The following SLCO5A1 variants were observed in gnomAD, a reference collection of about 807,000 sequenced individuals.
SLCO5A1 encodes organic anion transporter polypeptide-related protein 4.
SLCO5A1 carries 39 observed loss-of-function variants against 65.1 expected under a neutral mutation model. That is an observed-to-expected ratio of 0.60 (90% CI 0.46 to 0.78). The LOEUF is 0.78. Ranked by LOEUF, SLCO5A1 falls within the 30% of genes least tolerant of loss-of-function variation. The probability of loss-of-function intolerance (pLI) is 0.00; values close to 1 mark genes in which losing one functional copy is unlikely to be tolerated. For synonymous variants in SLCO5A1, 438 were observed against 415.7 expected (o/e 1.05, Z -0.65); for missense variants, 1,029 against 1,069.4 (o/e 0.96, Z 0.53).
intron 2 of SLCO5A1, among the ~76,000 whole-genome samples, chr8:69,803,544 A>C (rs984151493): frequency 3.6e-4 from 55 of 152,276 alleles, no homozygotes; most frequent in African/African-American, 1.3e-3. Context: ...AAAAACAAAA[A>C]AACACGGAGC....
At chr8:69,726,369 G>A (rs763366505) in intron 5 of SLCO5A1, among the ~76,000 whole-genome samples, 13 of 152,024 alleles carry the variant, frequency 8.6e-5, no homozygotes, top group African/African-American at 1.7e-4. Flanking sequence ...GCTGATACAC[G>A]TTTAAAGCAA....
chr8:69,766,934 A>G (rs1818086202), intron 2 of SLCO5A1, among the ~76,000 whole-genome samples: 2 of 152,234 alleles, frequency 1.3e-5, no homozygotes, highest in Admixed American at 6.5e-5. Context: ...CTCTACTGTC[A>G]TGAACAACAG....
intron 8 of SLCO5A1, 28 bp downstream of exon 8, chr8:69,679,350 C>A (rs773521074): frequency 6.2e-7 from 1 of 1,613,470 alleles, no homozygotes; most frequent in Non-Finnish European, 8.5e-7. Context: ...GTACAGAACC[C>A]ACCCCAGAAG....
intron 5 of SLCO5A1, among the ~76,000 whole-genome samples, chr8:69,708,966 A>G (rs1815097705): frequency 6.6e-6 from 1 of 152,192 alleles, no homozygotes; most frequent in Non-Finnish European, 1.5e-5. Context: ...AATAGACAAC[A>G]GTATCAAGTG....
chr8:69,801,696 G>T (rs1819744146), intron 2 of SLCO5A1, among the ~76,000 whole-genome samples: 2 of 152,108 alleles, frequency 1.3e-5, no homozygotes, highest in South Asian at 4.1e-4. Flanking sequence ...GTATTTATGT[G>T]CATCTCCCAG....
intron 2 of SLCO5A1, among the ~76,000 whole-genome samples, chr8:69,763,869 A>G (rs1177298065): frequency 6.6e-6 from 1 of 151,940 alleles, no homozygotes; most frequent in Non-Finnish European, 1.5e-5. Flanking sequence ...GGACAAATCA[A>G]TAAACACTTT....
intron 2 of SLCO5A1, among the ~76,000 whole-genome samples, chr8:69,823,796 T>C (rs1820753229): frequency 6.6e-6 from 1 of 152,030 alleles, no homozygotes; most frequent in African/African-American, 2.4e-5. Flanking sequence ...TCTGCAGAAC[T>C]CTCCACCCCA....
chr8:69,792,241 C>T (rs1269850931), intron 2 of SLCO5A1, among the ~76,000 whole-genome samples: 1 of 151,312 alleles, frequency 6.6e-6, no homozygotes, highest in Non-Finnish European at 1.5e-5. Context: ...AGTGCTATCG[C>T]AATTCACAAA....
In SLCO5A1 at chr8:69,832,219, A is replaced by G. The variant is rs775920375; in HGVS notation, c.455T>C (p.Val152Ala). The change falls in exon 2 of 10, where the codon GTA (valine) becomes GCA (alanine). Residue 152 changes from valine to alanine, a missense_variant. By Grantham distance (64) the Val-to-Ala change is moderately conservative. Coordinates refer to ENST00000260126, the MANE Select transcript of SLCO5A1 (RefSeq NM_030958.3). This position sits in a 1 kb window ranked among gnomAD's most constrained non-coding sequence, Gnocchi z 4.5. ...GTAGCGCCTTTCAATGGTGGTAATT[A>G]CGCTGCTCAGGTACCCAGAGACCAT... ...ALMVSGYLSSVITTIERRYSL... is the reference protein window; with the variant it reads ...ALMVSGYLSSAITTIERRYSL... The G allele has an allele frequency of 1.9e-6, 3 of 1,614,134 alleles. No homozygotes were observed. The Admixed American group carries it at 5.0e-5, about 27-fold the overall frequency.
chr8:69,731,586 CT>C (rs1816338695), intron 5 of SLCO5A1, among the ~76,000 whole-genome samples: 1 of 152,206 alleles, frequency 6.6e-6, no homozygotes, highest in African/African-American at 2.4e-5. Flanking sequence ...AGTGTTCTGA[CT>C]TTTTGTCCAC....
chr8:69,710,421 T>C (rs1363806694), intron 5 of SLCO5A1, among the ~76,000 whole-genome samples: 1 of 152,102 alleles, frequency 6.6e-6, no homozygotes, highest in Non-Finnish European at 1.5e-5. Context: ...ACTGACATTT[T>C]CTGTTCCCAG....
intron 4 of SLCO5A1, among the ~76,000 whole-genome samples, chr8:69,739,394 A>G (rs1816703944): frequency 1.3e-5 from 2 of 152,176 alleles, no homozygotes; most frequent in African/African-American, 4.8e-5. Flanking sequence ...TCTGGGAAAA[A>G]TATATAACAC....
intron 3 of SLCO5A1, 41 bp downstream of exon 3, chr8:69,761,702 T>C (rs1025422489): frequency 6.3e-7 from 1 of 1,595,132 alleles, no homozygotes; most frequent in Non-Finnish European, 8.5e-7. Flanking sequence ...TAACTATTAT[T>C]AGTAAGAACT....
intron 5 of SLCO5A1, among the ~76,000 whole-genome samples, chr8:69,731,107 C>G (rs138903528): frequency 6.6e-6 from 1 of 152,040 alleles, no homozygotes; most frequent in Non-Finnish European, 1.5e-5. Flanking sequence ...AAGTGATTCT[C>G]ATGCCTCTCA....
chr8:69,756,125 TAAG>T (rs1817533010), intron 3 of SLCO5A1, among the ~76,000 whole-genome samples: 1 of 152,148 alleles, frequency 6.6e-6, no homozygotes, highest in Non-Finnish European at 1.5e-5. Flanking sequence ...TGCAAACACT[TAAG>T]AATGTATTGA....
chr8:69,683,822 A>G (rs1813891140), intron 6 of SLCO5A1, among the ~76,000 whole-genome samples: 1 of 152,150 alleles, frequency 6.6e-6, no homozygotes, highest in Admixed American at 6.5e-5. Flanking sequence ...TTGGCCTCCC[A>G]AAGTGCTAGG....
At chr8:69,713,771 A>G (rs1815386699) in intron 5 of SLCO5A1, 1 of 152,244 alleles carries the variant, frequency 6.6e-6, no homozygotes, top group South Asian at 2.1e-4. Context: ...TCCACATCAC[A>G]GAGGAAGAAA....
At chr8:69,786,954 A>C (rs1819062622) in intron 2 of SLCO5A1, among the ~76,000 whole-genome samples, 1 of 152,206 alleles carries the variant, frequency 6.6e-6, no homozygotes, top group Non-Finnish European at 1.5e-5. Context: ...GATGCATTTA[A>C]AATGTTAGTA....
intron 5 of SLCO5A1, chr8:69,713,889 A>T (rs1815390992): frequency 6.6e-6 from 1 of 152,226 alleles, no homozygotes; most frequent in Admixed American, 6.5e-5. Flanking sequence ...TCTTGCTCAG[A>T]ATAAATAATT....
Sources: allele counts gnomAD v4.1 joint callset (sites outside exome capture counted in the v4.1 genomes callset), GRCh38; gene constraint gnomAD v4.1.1; non-coding constraint Gnocchi (gnomAD v3.1); transcripts MANE v1.5; gene names NCBI Gene and HGNC (gene_info 2026-07-23, HGNC 2026-07-21).